Variants in USP37 observed in about 807,000 individuals in gnomAD.
USP37 encodes the protein ubiquitin specific peptidase 37, also known as ubiquitin carboxyl-terminal hydrolase 37.
Under a neutral mutation model 124.0 loss-of-function variants are expected in USP37, and 27 were observed. The ratio of observed to expected loss-of-function variants is 0.22; its 90% CI spans 0.16 to 0.30. The LOEUF (loss-of-function observed/expected upper bound fraction) is 0.30, where lower values mean the gene tolerates loss of function less well. Ranked by LOEUF, USP37 falls within the 10% of genes least tolerant of loss-of-function variation. The probability of loss-of-function intolerance (pLI) is 1.00; values close to 1 mark genes in which losing one functional copy is unlikely to be tolerated. For synonymous variants in USP37, 365 were observed against 388.0 expected (o/e 0.94, Z 0.70); for missense variants, 889 against 1,140.4 (o/e 0.78, Z 3.17).
intron 20 of USP37, among the ~76,000 whole-genome samples, chr2:218,468,710 T>C (rs1690506600): frequency 6.6e-6 from 1 of 152,130 alleles, no homozygotes; most frequent in South Asian, 2.1e-4. Context: ...ATTTTATTTT[T>C]TGAGACCGAC....
chr2:218,547,455 G>T (rs955189589), intron 6 of USP37, among the ~76,000 whole-genome samples: 1 of 151,892 alleles, frequency 6.6e-6, no homozygotes, highest in African/African-American at 2.4e-5. Flanking sequence ...AGCACTCCAG[G>T]TGATTCTAAT....
At chr2:218,555,785 T>A (rs555987015) in intron 4 of USP37, among the ~76,000 whole-genome samples, 2 of 152,174 alleles carry the variant, frequency 1.3e-5, no homozygotes, top group East Asian at 3.9e-4. Flanking sequence ...AGATAACTCA[T>A]CTCTCCTAAT....
intron 5 of USP37, among the ~76,000 whole-genome samples, chr2:218,551,318 C>T (rs1190222923): frequency 6.6e-6 from 1 of 152,068 alleles, no homozygotes; most frequent in East Asian, 1.9e-4. Flanking sequence ...AATAACTTGC[C>T]CAAGATCACA....
At chr2:218,510,995 C>CA (rs1574905382) in intron 10 of USP37, among the ~76,000 whole-genome samples, 1 of 149,848 alleles carries the variant, frequency 6.7e-6, no homozygotes, top group South Asian at 2.1e-4. Flanking sequence ...AAGGCATCTC[C>CA]AAAAAAGAAA....
chr2:218,534,794 T>A, intron 8 of USP37, 88 bp from the exon 9 acceptor site: 4 of 802,094 alleles, frequency 5.0e-6, no homozygotes, highest in Non-Finnish European at 7.1e-6. Flanking sequence ...AACATTTACA[T>A]TTAAAGTGCC....
chr2:218,501,263 C>T (rs1253523691), intron 11 of USP37, among the ~76,000 whole-genome samples: 2 of 151,946 alleles, frequency 1.3e-5, no homozygotes, highest in African/African-American at 4.8e-5. Flanking sequence ...TGGTTTTGAA[C>T]TCCTGGGCTC....
At chr2:218,538,146 G>A (rs1355673606) in intron 8 of USP37, among the ~76,000 whole-genome samples, 1 of 152,200 alleles carries the variant, frequency 6.6e-6, no homozygotes. Context: ...TAATGGATAG[G>A]TCATCTTGGT....
chr2:218,459,934 A>G (rs1459245275), intron 22 of USP37, 29 bp from the exon 23 acceptor site: 3 of 1,580,708 alleles, frequency 1.9e-6, no homozygotes, highest in Non-Finnish European at 2.6e-6. Context: ...AAATCTTATA[A>G]AAGTTCTTGG....
intron 8 of USP37, among the ~76,000 whole-genome samples, chr2:218,544,410 T>C (rs1266879198): frequency 1.4e-5 from 1 of 73,916 alleles, no homozygotes; most frequent in African/African-American, 9.7e-5. Flanking sequence ...AAAAAAAATA[T>C]ATATATATAT....
chr2:218,557,930 C>CAA (rs61488353), intron 4 of USP37, among the ~76,000 whole-genome samples: 18,018 of 35,652 alleles, frequency 0.51, 5,412 homozygotes, highest in Admixed American at 0.65. Context: ...GACTCTGTCT[C>CAA]AAAAAAAAAA....
In USP37 at chr2:218,563,119, C is replaced by T. The variant is rs187486159; in HGVS notation, c.-229-306G>A. ...TGGAGGTTGCAGTGAGCAGAGATCA[C>T]GCCATTGCACTCCAACCTGGGCAAC... On this transcript the variant is annotated intron_variant, in intron 1 of 25. Coordinates refer to ENST00000258399, the MANE Select transcript of USP37 (RefSeq NM_020935.3). Among the ~76,000 whole-genome samples the T allele has an allele frequency of 2.4e-3, 363 of 148,562 alleles. 2 individuals are homozygous for T. The highest frequency in any genetic ancestry group is 8.5e-3 in the African/African-American group (340 of 40,108).
chr2:218,483,031 T>C (rs1691348848), intron 16 of USP37, among the ~76,000 whole-genome samples: 1 of 152,192 alleles, frequency 6.6e-6, no homozygotes, highest in Non-Finnish European at 1.5e-5. Flanking sequence ...ATTCTTACCA[T>C]ATATGCCTTC....
Position 218,553,537 on chromosome 2 carries a change from G to A in USP37, c.328+16C>T. 6.2e-7 allele frequency: 1 copy of A among 1,600,110 alleles called. No homozygotes were observed. The highest frequency in any genetic ancestry group is 1.1e-5 in the South Asian group (1 of 89,176). ...TAAAAATACTAACGTTAGACCCTGG[G>A]GTGATTAGTACTCACCTGCAGGAAG... On this transcript the variant is annotated intron_variant, in intron 5 of 25. Coordinates refer to ENST00000258399, the MANE Select transcript of USP37 (RefSeq NM_020935.3).
chr2:218,510,941 G>A (rs7565544), intron 10 of USP37, among the ~76,000 whole-genome samples: 6,085 of 152,116 alleles, frequency 0.04, 158 homozygotes, highest in East Asian at 0.12. Flanking sequence ...GTTGCAATGA[G>A]CGCAGATTGC....
intron 10 of USP37, among the ~76,000 whole-genome samples, chr2:218,522,582 T>C (rs1690720747): frequency 6.7e-6 from 1 of 149,980 alleles, no homozygotes; most frequent in Non-Finnish European, 1.5e-5. Context: ...AAAAAAAAGT[T>C]TAGATTCTTT....
chr2:218,539,880 C>T (rs1314554040), intron 8 of USP37, among the ~76,000 whole-genome samples: 3 of 151,672 alleles, frequency 2.0e-5, no homozygotes, highest in East Asian at 1.9e-4. Flanking sequence ...TGTGATGGCA[C>T]GCACCTGTGA....
chr2:218,509,996 T>A lies in USP37; in HGVS notation c.1008A>T (p.Gln336His). 6.3e-7 allele frequency: 1 copy of A among 1,575,494 alleles called. No homozygotes were observed. The highest frequency in any genetic ancestry group is 8.7e-7 in the Non-Finnish European group (1 of 1,155,316). Residue 336 changes from glutamine to histidine, a missense_variant, in exon 11 of 26, where the codon CAA (glutamine) becomes CAT (histidine). This residue lies in a region of USP37 where 11 missense variants were observed against 40.1 expected (regional missense o/e 0.27). Coordinates refer to ENST00000258399, the MANE Select transcript of USP37 (RefSeq NM_020935.3). ...NKPRVPLSSH[Q>H]QQQLQGFSNL... Reference sequence around the variant, plus strand: ...TGACCTACCCCTGCAGTTGCTGCTGTTGGTGAGAGGAAAGGGGCACTCTTG... The same window carrying A: ...TGACCTACCCCTGCAGTTGCTGCTGATGGTGAGAGGAAAGGGGCACTCTTG...
Position 218,546,850 on chromosome 2 carries a change from T to C in USP37, c.602+69A>G, listed in dbSNP as rs1207038311. The C allele has an allele frequency of 4.0e-6, 6 of 1,505,076 alleles. No individual in the cohort carries two copies. In the South Asian group the frequency reaches 6.0e-5, roughly 15 times the overall value. The allele number at this position is 1,505,076 out of a possible 1,614,324, so 93.2% of individuals were successfully genotyped here. ...TATACTTTATTTCTCCTCAAATTAC[T>C]GGTATTTCTAAAAGGCCTAAAAGAC... On this transcript the variant is annotated intron_variant, in intron 7 of 25. Coordinates refer to ENST00000258399, the MANE Select transcript of USP37 (RefSeq NM_020935.3).
rs774299614 is a variant in USP37 at position 218,476,794 on chromosome 2, G to A, written c.2043+46C>T. On this transcript the variant is annotated intron_variant, in intron 19 of 25. Coordinates refer to ENST00000258399, the MANE Select transcript of USP37 (RefSeq NM_020935.3). Reference sequence around the variant, plus strand: ...TGAAAGACATTTGTTTGGACAGTAAGAGATAAACAAATCTTTGTCAGATGT... The same window carrying A: ...TGAAAGACATTTGTTTGGACAGTAAAAGATAAACAAATCTTTGTCAGATGT... The A allele has an allele frequency of 1.9e-6, 3 of 1,568,188 alleles. No homozygotes were observed. In the South Asian group the frequency reaches 3.6e-5, roughly 19 times the overall value.
Sources: allele counts gnomAD v4.1 joint callset (sites outside exome capture counted in the v4.1 genomes callset), GRCh38; gene constraint gnomAD v4.1.1; regional missense constraint gnomAD v4.1.1; transcripts MANE v1.5; gene names NCBI Gene and HGNC (gene_info 2026-07-23, HGNC 2026-07-21).